ATG10: variants seen among roughly 807,000 people sequenced by gnomAD.
ATG10 encodes autophagy related 10.
Under a neutral mutation model 32.1 loss-of-function variants are expected in ATG10, and 30 were observed. The observed-to-expected ratio is 0.94, with a 90% CI of 0.70 to 1.27. The LOEUF is 1.27. Ranked by LOEUF, ATG10 falls within the 50% of genes most tolerant of loss-of-function variation. The pLI is 0.00. For synonymous variants in ATG10, 87 were observed against 91.5 expected (o/e 0.95, Z 0.28); for missense variants, 233 against 262.3 (o/e 0.89, Z 0.77).
intron 3 of ATG10, among the ~76,000 whole-genome samples, chr5:82,128,610 T>C (rs1766379318): frequency 6.6e-6 from 1 of 151,134 alleles, no homozygotes; most frequent in Non-Finnish European, 1.5e-5. Flanking sequence ...ATGTTGAATA[T>C]TGGCCCCCAC....
chr5:82,245,098 T>A (rs1746971717), intron 5 of ATG10, among the ~76,000 whole-genome samples: 1 of 152,212 alleles, frequency 6.6e-6, no homozygotes, highest in Non-Finnish European at 1.5e-5. Context: ...TGAATCGATC[T>A]AAGAAATGTC....
chr5:82,013,956 G>A (rs1762203939), intron 2 of ATG10, among the ~76,000 whole-genome samples: 1 of 151,884 alleles, frequency 6.6e-6, no homozygotes, highest in Non-Finnish European at 1.5e-5. Flanking sequence ...GCTTTCTCTT[G>A]CGGGCATTTA....
At chr5:82,083,420 CA>C (rs1764555394) in intron 3 of ATG10, among the ~76,000 whole-genome samples, 1 of 152,200 alleles carries the variant, frequency 6.6e-6, no homozygotes, top group South Asian at 2.1e-4. Context: ...CATAGCTGAA[CA>C]AAAGGTAGCA....
intron 5 of ATG10, among the ~76,000 whole-genome samples, chr5:82,201,974 T>C (rs1745086630): frequency 6.6e-6 from 1 of 152,224 alleles, no homozygotes. Context: ...TTTTGTATAT[T>C]GTCCATAGGT....
intron 2 of ATG10, among the ~76,000 whole-genome samples, chr5:81,997,289 C>T (rs533321930): frequency 1.3e-5 from 2 of 152,220 alleles, no homozygotes; most frequent in Non-Finnish European, 2.9e-5. Context: ...TCCTCCAGTG[C>T]AGCAGGTTCA....
At chr5:82,140,006 C>T (rs1767013022) in intron 3 of ATG10, among the ~76,000 whole-genome samples, 1 of 128,330 alleles carries the variant, frequency 7.8e-6, no homozygotes, top group Non-Finnish European at 1.7e-5. Context: ...TGCCCGGCCG[C>T]CCCTACTGGG....
intron 3 of ATG10, among the ~76,000 whole-genome samples, chr5:82,154,629 G>A (rs1014745483): frequency 6.6e-6 from 1 of 152,076 alleles, no homozygotes; most frequent in Non-Finnish European, 1.5e-5. Context: ...TGAAGTCTAT[G>A]TGTTTTTATC....
At chr5:82,084,856 G>A (rs946992496) in intron 3 of ATG10, among the ~76,000 whole-genome samples, 12 of 152,074 alleles carry the variant, frequency 7.9e-5, no homozygotes, top group African/African-American at 1.2e-4. Context: ...AAGGAACAAC[G>A]GTACCAGCCA....
At chr5:82,033,967 TA>T (rs1276422569) in intron 2 of ATG10, among the ~76,000 whole-genome samples, 17 of 147,792 alleles carry the variant, frequency 1.2e-4, no homozygotes, top group African/African-American at 4.2e-4. Flanking sequence ...TATACATATA[TA>T]GTATATATAC....
At position 82,024,005 on chromosome 5, in the gene ATG10, A is replaced by G. The variant is rs11741846; in HGVS notation, c.109-34490A>G. On this transcript the variant is annotated intron_variant, in intron 2 of 7. Coordinates refer to ENST00000282185, the MANE Select transcript of ATG10 (RefSeq NM_031482.5). ...TGCATGTGCATTTAAATGGCTGTTT[A>G]TTATGTAAATGACCAAGAACCAGAA... Among the ~76,000 whole-genome samples, 911 of 152,316 alleles carry G rather than the reference A, an allele frequency of 6.0e-3. 3 individuals carry two copies. Among genetic ancestry groups the G allele is most frequent in the Non-Finnish European group, 9.6e-3 (653 of 68,026 alleles).
chr5:82,040,935 A>G (rs1763066531), intron 2 of ATG10, among the ~76,000 whole-genome samples: 1 of 152,200 alleles, frequency 6.6e-6, no homozygotes, highest in South Asian at 2.1e-4. Context: ...TCTGTCCAGA[A>G]TTCCTTTCTC....
At chr5:81,980,397 T>C (rs1436633705) in intron 1 of ATG10, among the ~76,000 whole-genome samples, 1 of 152,180 alleles carries the variant, frequency 6.6e-6, no homozygotes, top group Middle Eastern at 3.2e-3. Context: ...TTACTTACCT[T>C]GACAAAAGAG....
intron 3 of ATG10, among the ~76,000 whole-genome samples, chr5:82,141,316 G>C (rs1484357374): frequency 6.6e-6 from 1 of 151,584 alleles, no homozygotes; most frequent in Non-Finnish European, 1.5e-5. Context: ...AGCCTATCAT[G>C]TTTTAAAGGA....
chr5:82,105,002 TGA>T (rs1765400826), intron 3 of ATG10, among the ~76,000 whole-genome samples: 1 of 152,168 alleles, frequency 6.6e-6, no homozygotes, highest in African/African-American at 2.4e-5. Flanking sequence ...TAGAAATCAC[TGA>T]GTTATTGTGG....
intron 4 of ATG10, among the ~76,000 whole-genome samples, chr5:82,170,939 G>GA (rs1030182225): frequency 8.6e-5 from 13 of 150,938 alleles, no homozygotes; most frequent in Admixed American, 1.3e-4. Context: ...CTGTCTCAGG[G>GA]AAAAAAAAAA....
At chr5:82,014,588 CTTCT>C (rs1762226252) in intron 2 of ATG10, among the ~76,000 whole-genome samples, 1 of 152,066 alleles carries the variant, frequency 6.6e-6, no homozygotes, top group South Asian at 2.1e-4. Context: ...ATGTAATGTC[CTTCT>C]TTGTCTCTTT....
intron 5 of ATG10, among the ~76,000 whole-genome samples, chr5:82,240,518 T>C (rs149945413): frequency 6.6e-6 from 1 of 152,144 alleles, no homozygotes; most frequent in African/African-American, 2.4e-5. Context: ...CTGGGAAGGA[T>C]AGTGAGGAGG....
intron 2 of ATG10, among the ~76,000 whole-genome samples, chr5:82,058,095 G>A (rs1482144559): frequency 1.3e-5 from 2 of 152,142 alleles, no homozygotes; most frequent in Non-Finnish European, 2.9e-5. Context: ...AATTGAAATG[G>A]AAGCTTTCTT....
intron 2 of ATG10, among the ~76,000 whole-genome samples, chr5:82,014,493 C>CT: frequency 6.6e-6 from 1 of 152,156 alleles, no homozygotes; most frequent in Non-Finnish European, 1.5e-5. Flanking sequence ...TAAGGACTTG[C>CT]TTTATGAATC....
Sources: gnomAD v4.1 joint callset for allele counts (sites outside exome capture counted in the v4.1 genomes callset) on GRCh38, gnomAD v4.1.1 for gene constraint, MANE v1.5 for transcripts, NCBI Gene and HGNC (gene_info 2026-07-23, HGNC 2026-07-21) for gene names.